ZSWIM6: variants seen among roughly 807,000 people sequenced by gnomAD.
ZSWIM6 encodes the protein zinc finger SWIM-type containing 6.
In ZSWIM6, 9 loss-of-function variants were observed where a neutral mutation model predicts 113.2. The ratio of observed to expected loss-of-function variants is 0.08; its 90% CI spans 0.05 to 0.14. ZSWIM6 has a LOEUF of 0.14. Among genes scored for constraint, ZSWIM6 ranks in the 10% least tolerant of loss-of-function variants. The probability of loss-of-function intolerance (pLI) is 1.00; values close to 1 mark genes in which losing one functional copy is unlikely to be tolerated. For synonymous variants in ZSWIM6, 611 were observed against 606.5 expected, an observed-to-expected ratio of 1.01 and a Z score of -0.11; for missense variants, 1,162 against 1,552.2, an observed-to-expected ratio of 0.75 and a Z score of 4.22.
At chr5:61,393,064 G>C (rs1745758461) in intron 1 of ZSWIM6, among the ~76,000 whole-genome samples, 1 of 151,472 alleles carries the variant, frequency 6.6e-6, no homozygotes, top group Non-Finnish European at 1.5e-5. Context: ...TTTTGAGACA[G>C]AGTCTCGCTC....
At position 61,544,383 on chromosome 5, in the gene ZSWIM6, C is replaced by T; in HGVS notation, c.*66C>T. 2.9e-6 allele frequency: 3 copies of T among 1,036,656 alleles called. No individual in the cohort carries two copies. The highest frequency in any genetic ancestry group is 4.2e-6 in the Non-Finnish European group (3 of 713,088). The allele number at this position is 1,036,656 out of a possible 1,614,324, so 64.2% of individuals were successfully genotyped here. ...GATGGTTTGTTTTTACTTGAGCCTG[C>T]CTTTGTACCCTTTTTAACTTAAAGA... On this transcript the variant is annotated 3_prime_UTR_variant, in exon 14 of 14. Transcript: ENST00000252744.
chr5:61,363,635 A>G (rs954211029), intron 1 of ZSWIM6, among the ~76,000 whole-genome samples: 1 of 152,076 alleles, frequency 6.6e-6, no homozygotes, highest in African/African-American at 2.4e-5. Flanking sequence ...GTGGGGAGAG[A>G]CCCTAGCTAT....
chr5:61,522,089 GT>G (rs1561276852), intron 5 of ZSWIM6, among the ~76,000 whole-genome samples: 1 of 148,278 alleles, frequency 6.7e-6, no homozygotes, highest in Non-Finnish European at 1.5e-5. Context: ...TGTTTTTTTT[GT>G]TTGTTTTTTT....
chr5:61,379,329 A>G (rs1745432858), intron 1 of ZSWIM6, among the ~76,000 whole-genome samples: 1 of 152,112 alleles, frequency 6.6e-6, no homozygotes, highest in South Asian at 2.1e-4. Flanking sequence ...GTGTAGGGAA[A>G]TCTTTTTGTA....
intron 10 of ZSWIM6, among the ~76,000 whole-genome samples, chr5:61,537,369 T>C (rs762506859): frequency 6.6e-6 from 1 of 152,134 alleles, no homozygotes; most frequent in East Asian, 1.9e-4. Flanking sequence ...CCACCAGGTA[T>C]TGCAAGGCAG....
chr5:61,332,605 T>C lies in ZSWIM6; in HGVS notation c.333T>C (p.Tyr111=). The C allele has an allele frequency of 7.8e-7, 1 of 1,287,586 alleles. No homozygotes were observed. The highest frequency in any genetic ancestry group is 4.9e-5 in the East Asian group (1 of 20,426). The allele number at this position is 1,287,586 out of a possible 1,614,324, so 79.8% of individuals were successfully genotyped here. A position where few individuals can be genotyped will look rare whatever the true frequency, so the allele number is the denominator to read the frequency against. The part of the protein sequence containing the change: ...IPEPVQRRIV[Y]WSFPRSEREI... The stretch of plus-strand genomic sequence containing the variant: ...AGCCGGTGCAGCGCCGCATAGTCTA[T>C]TGGTCCTTCCCCCGCAGCGAGCGGG... Residue 111 remains tyrosine (Y), a synonymous_variant, in exon 1 of 14, where the codon TAT becomes TAC. Coordinates refer to ENST00000252744, the MANE Select transcript of ZSWIM6 (RefSeq NM_020928.2).
chr5:61,445,967 A>G (rs776705952), intron 1 of ZSWIM6, among the ~76,000 whole-genome samples: 1 of 152,256 alleles, frequency 6.6e-6, no homozygotes, highest in African/African-American at 2.4e-5. Context: ...GACTTAAGGT[A>G]CATGACCAGT....
chr5:61,367,610 A>T (rs1420540371), intron 1 of ZSWIM6, among the ~76,000 whole-genome samples: 1 of 152,192 alleles, frequency 6.6e-6, no homozygotes, highest in East Asian at 1.9e-4. Context: ...TCAAGATTGC[A>T]TCTACAAGCA....
intron 1 of ZSWIM6, chr5:61,375,850 C>T: frequency 3.0e-6 from 3 of 986,416 alleles, no homozygotes; most frequent in Admixed American, 2.1e-5. Context: ...TCCTGACTCA[C>T]CGTAACATTA....
At position 61,535,479 on chromosome 5, in the gene ZSWIM6, C is replaced by T; in HGVS notation, c.2246-5C>T. 1.3e-6 allele frequency: 2 copies of T among 1,551,118 alleles called. No homozygotes were observed. The highest frequency in any genetic ancestry group is 1.7e-6 in the Non-Finnish European group (2 of 1,146,576). ...ACGTAAAATGTGTATGCTCTCTTCCCACAGCCGGACCATATAGTGGTTTAG... is the reference window on the plus strand; with the variant it reads ...ACGTAAAATGTGTATGCTCTCTTCCTACAGCCGGACCATATAGTGGTTTAG... On this transcript the variant is annotated splice_polypyrimidine_tract_variant and splice_region_variant and intron_variant, in intron 9 of 13. Coordinates refer to ENST00000252744, the MANE Select transcript of ZSWIM6 (RefSeq NM_020928.2).
At chr5:61,337,872 T>C (rs529428121) in intron 1 of ZSWIM6, among the ~76,000 whole-genome samples, 1 of 152,308 alleles carries the variant, frequency 6.6e-6, no homozygotes, top group Non-Finnish European at 1.5e-5. Context: ...TGGTTGGGTT[T>C]TTCTTAAAAC....
intron 2 of ZSWIM6, among the ~76,000 whole-genome samples, chr5:61,477,323 C>G (rs552480108): frequency 6.6e-6 from 1 of 152,294 alleles, no homozygotes; most frequent in East Asian, 1.9e-4. Context: ...CCCTCACTTC[C>G]CTGTCATGTG....
chr5:61,400,965 T>C (rs971461910), intron 1 of ZSWIM6, among the ~76,000 whole-genome samples: 2 of 152,268 alleles, frequency 1.3e-5, no homozygotes, highest in African/African-American at 4.8e-5. Context: ...AGATGTAATT[T>C]GTCTTGCTCT....
intron 1 of ZSWIM6, chr5:61,347,025 T>A (rs1156996306): frequency 6.6e-6 from 1 of 152,354 alleles, no homozygotes; most frequent in African/African-American, 2.4e-5. Flanking sequence ...ATTTTAGATG[T>A]GTTAGACAAC....
intron 12 of ZSWIM6, 66 bp downstream of exon 12, chr5:61,539,825 T>C: frequency 1.4e-6 from 2 of 1,457,228 alleles, no homozygotes; most frequent in South Asian, 2.8e-5. Flanking sequence ...CTTAGGGTTG[T>C]TTTTGTTTGA....
At chr5:61,456,890 C>CTTTTTTTTTTTTTTTTTT (rs57188174) in intron 1 of ZSWIM6, among the ~76,000 whole-genome samples, 1 of 142,760 alleles carries the variant, frequency 7.0e-6, no homozygotes, top group Admixed American at 7.0e-5. Context: ...TATCCAATTT[C>CTTTTTTTTTTTTTTTTTT]TTTTTTTTTT....
At chr5:61,365,861 C>T (rs1181269286) in intron 1 of ZSWIM6, among the ~76,000 whole-genome samples, 1 of 152,098 alleles carries the variant, frequency 6.6e-6, no homozygotes, top group Non-Finnish European at 1.5e-5. Context: ...GCACATCTGC[C>T]CAATACCTTA....
chr5:61,350,212 A>G (rs545448594), intron 1 of ZSWIM6, among the ~76,000 whole-genome samples: 4 of 152,308 alleles, frequency 2.6e-5, no homozygotes, highest in African/African-American at 9.6e-5. Context: ...CTTTTCCTAT[A>G]CAGTCACCTC....
Position 61,427,853 on chromosome 5 carries a change from GTTTA to G in ZSWIM6, c.677-44823_677-44820del, listed in dbSNP as rs544965386. Among the ~76,000 whole-genome samples the G allele has an allele frequency of 3.6e-3, 547 of 152,038 alleles. 4 individuals are homozygous for G. Among genetic ancestry groups the G allele is most frequent in the South Asian group, 0.021 (100 of 4,808 alleles). On this transcript the variant is annotated intron_variant, in intron 1 of 13. Coordinates refer to ENST00000252744, the MANE Select transcript of ZSWIM6 (RefSeq NM_020928.2). ...AGACCAACTGTATTCTAGTGTATAT[GTTTA>G]TTTAATGCTAATAAAACAACTCAAA... is the stretch of plus-strand genomic sequence containing the variant.
Sources: gnomAD v4.1 joint callset for allele counts (sites outside exome capture counted in the v4.1 genomes callset) on GRCh38, gnomAD v4.1.1 for gene constraint, MANE v1.5 for transcripts, NCBI Gene and HGNC (gene_info 2026-07-23, HGNC 2026-07-21) for gene names.